The following ZNF561 variants were observed in gnomAD, a reference collection of about 807,000 sequenced individuals.
ZNF561 encodes the protein zinc finger protein 561.
ZNF561 carries 16 observed loss-of-function variants against 16.7 expected under a neutral mutation model. That is an observed-to-expected ratio of 0.96 (90% confidence interval 0.65 to 1.45). The LOEUF (loss-of-function observed/expected upper bound fraction) is 1.45, where lower values mean the gene tolerates loss of function less well. ZNF561 is among the 40% of genes most tolerant of loss of function. ZNF561 has a pLI of 0.00. For synonymous variants in ZNF561, 190 were observed against 192.1 expected, an observed-to-expected ratio of 0.99 and a Z score of 0.09; for missense variants, 580 against 578.0, an observed-to-expected ratio of 1.00 and a Z score of -0.04.
intron 5 of ZNF561, among the ~76,000 whole-genome samples, chr19:9,612,753 T>C (rs1400336835): frequency 6.6e-6 from 1 of 152,234 alleles, no homozygotes; most frequent in African/African-American, 2.4e-5. Flanking sequence ...TCTACGCCAC[T>C]GGCTCTAATT....
rs566745054 is a variant in ZNF561, at chr19:9,614,434, C to T, written c.242-331G>A. Among the ~76,000 whole-genome samples the T allele has an allele frequency of 5.3e-5, 8 of 152,192 alleles. No homozygotes were observed. In the South Asian group the frequency reaches 1.7e-3, roughly 32 times the overall value. ...GACCAGCCTGACCAACATGGAGAAA[C>T]CCCATCTCTACTAAAAATACAAAAT... On this transcript the variant is annotated intron_variant, in intron 4 of 5. Transcript: ENST00000302851.
At position 9,608,247 on chromosome 19, in the gene ZNF561, G is replaced by C. The variant is rs2144856699; in HGVS notation, c.*1953C>G. ...GGGGAGGGAGGGGGAGGGAGGGGAA[G>C]GAGAGAGATGGTGGGGAGAGAGAGA... On this transcript the variant is annotated 3_prime_UTR_variant, in exon 6 of 6. Coordinates refer to ENST00000302851, the MANE Select transcript of ZNF561 (RefSeq NM_152289.3). The C allele has an allele frequency of 6.6e-6, 1 of 151,952 alleles. No individual in the cohort carries two copies. The highest frequency in any genetic ancestry group is 2.4e-5 in the African/African-American group (1 of 41,460). 9.4% of individuals were successfully genotyped at this position (151,952 alleles called of 1,614,324 possible).
chr19:9,612,800 T>G (rs1452939340), intron 5 of ZNF561, among the ~76,000 whole-genome samples: 1 of 152,214 alleles, frequency 6.6e-6, no homozygotes, highest in Non-Finnish European at 1.5e-5. Flanking sequence ...TTTTTATTAT[T>G]ATGCAGGGTG....
At position 9,619,864 on chromosome 19, in the gene ZNF561, T is replaced by C. The variant is rs1218373181; in HGVS notation, c.-126-282A>G. On this transcript the variant is annotated intron_variant, in intron 1 of 5. Transcript: ENST00000302851. ...CTATCTATCTATATCTATCTATATT[T>C]ATCTATCTATATCTATCTATCTATA... 7.5e-5 allele frequency among the ~76,000 whole-genome samples: 7 copies of C among 92,758 alleles called. No homozygotes were observed. The East Asian group carries it at 1.6e-3, about 21-fold the overall frequency. The allele number at this position is 92,758 out of a possible 152,430, so 60.9% of individuals were successfully genotyped here.
In ZNF561 at chr19:9,610,575, C is replaced by G. The variant is rs1256088964; in HGVS notation, c.1086G>C (p.Lys362Asn). Residue 362 changes from lysine to asparagine, a missense_variant, in exon 6 of 6, where the codon AAG becomes AAC. Transcript: ENST00000302851. ...CACATTCCTTACACTGATAGGGTTT[C>G]TTTCCACTGTGACTTCGTATGTGTA... ...LSIHIRSHSG[K>N]KPYQCKECGK... The G allele has an allele frequency of 3.1e-6, 5 of 1,613,244 alleles. No homozygotes were observed. The highest frequency in any genetic ancestry group is 4.2e-6 in the Non-Finnish European group (5 of 1,179,518).
rs1290428181 is a variant in ZNF561 at position 9,608,635 on chromosome 19, G to C, written c.*1565C>G. 6.6e-6 allele frequency: 1 copy of C among 152,194 alleles called. No individual in the cohort carries two copies. The highest frequency in any genetic ancestry group is 1.9e-4 in the East Asian group (1 of 5,196). The allele number at this position is 152,194 out of a possible 1,614,324, so 9.4% of individuals were successfully genotyped here. A position where few individuals can be genotyped will look rare whatever the true frequency, so the allele number is the denominator to read the frequency against. On this transcript the variant is annotated 3_prime_UTR_variant, in exon 6 of 6. Coordinates refer to ENST00000302851, the MANE Select transcript of ZNF561 (RefSeq NM_152289.3). ...CTGGAAAAATTCTGATGTGCAAGCT[G>C]GAAGTAAGGTTGGTAAGGGTGATCC...
chr19:9,618,944 C>T (rs1434628433), intron 2 of ZNF561: 1 of 152,212 alleles, frequency 6.6e-6, no homozygotes, highest in Non-Finnish European at 1.5e-5. Flanking sequence ...TTATGAAACC[C>T]CATCTCTACT....
chr19:9,619,921 C>CTATCTAT (rs1555692401), intron 1 of ZNF561, among the ~76,000 whole-genome samples: 3 of 116,230 alleles, frequency 2.6e-5, no homozygotes, highest in African/African-American at 8.2e-5. Flanking sequence ...CTATATCTAT[C>CTATCTAT]CTATCTATCT....
Position 9,610,290 on chromosome 19 carries a change from T to A in ZNF561, c.1371A>T (p.Ala457=), listed in dbSNP as rs779702736. The stretch of plus-strand genomic sequence containing the variant: ...TACTTAGGCGTGAGGAAACAGCAAA[T>A]GCTTTCCCACATTCTTTACATACGA... ...KPFVCKECGK[A]FAVSSRLSRH... Residue 457 remains alanine (A), a synonymous_variant, in exon 6 of 6, where the codon GCA becomes GCT. Transcript: ENST00000302851. The A allele has an allele frequency of 6.2e-7, 1 of 1,613,978 alleles. No individual in the cohort carries two copies.
At chr19:9,615,217 A>C (rs2074532445) in intron 4 of ZNF561, among the ~76,000 whole-genome samples, 1 of 152,162 alleles carries the variant, frequency 6.6e-6, no homozygotes, top group African/African-American at 2.4e-5. Context: ...TTCTGTGCCC[A>C]AAAAAGATTG....
chr19:9,611,402 ACACAGAAG>A, intron 5 of ZNF561, 66 bp from the exon 6 acceptor site: 1 of 1,450,538 alleles, frequency 6.9e-7, no homozygotes, highest in Non-Finnish European at 9.2e-7. Context: ...ACCCATCTGA[ACACAGAAG>A]CATTTTGATG....
At chr19:9,617,614 C>T (rs1254125577) in intron 3 of ZNF561, 1 of 454,266 alleles carries the variant, frequency 2.2e-6, no homozygotes, top group East Asian at 7.0e-5. Flanking sequence ...TGAAGTGGTC[C>T]TCTCACCTCT....
At chr19:9,615,577 G>A (rs956844465) in intron 4 of ZNF561, among the ~76,000 whole-genome samples, 4 of 151,504 alleles carry the variant, frequency 2.6e-5, no homozygotes, top group Admixed American at 1.3e-4. Context: ...CAGCCTGGGC[G>A]ACAGAGCAAG....
chr19:9,617,826 G>A (rs974319736), intron 3 of ZNF561: 105 of 521,996 alleles, frequency 2.0e-4, no homozygotes, highest in Middle Eastern at 1.4e-3. Flanking sequence ...ATCCGTCACC[G>A]CACCCAGCAA....
At position 9,607,779 on chromosome 19, in the gene ZNF561, G is replaced by A. The variant is rs1040621832; in HGVS notation, c.*2421C>T. 1 of 152,152 alleles carries A rather than the reference G, an allele frequency of 6.6e-6. No homozygotes were observed. The highest frequency in any genetic ancestry group is 2.4e-5 in the African/African-American group (1 of 41,454). The allele number at this position is 152,152 out of a possible 1,614,324, so 9.4% of individuals were successfully genotyped here. A position where few individuals can be genotyped will look rare whatever the true frequency, so the allele number is the denominator to read the frequency against. On this transcript the variant is annotated 3_prime_UTR_variant, in exon 6 of 6. Transcript: ENST00000302851. ...TGATTGTCTATGTGGAAACGGAAAA[G>A]AATCATATTAAGTACTTTGGACTGA...
intron 2 of ZNF561, among the ~76,000 whole-genome samples, chr19:9,618,890 G>A (rs746887491): frequency 2.0e-5 from 3 of 152,164 alleles, no homozygotes; most frequent in Non-Finnish European, 4.4e-5. Context: ...GCCAAGGCGG[G>A]CAAATCACTT....
chr19:9,613,873 T>C (rs904651038), intron 5 of ZNF561, 148 bp downstream of exon 5: 1 of 888,510 alleles, frequency 1.1e-6, no homozygotes, highest in East Asian at 2.6e-5. Flanking sequence ...TCTTGAACTC[T>C]TGGGCTCAAA....
chr19:9,611,300 T>A lies in ZNF561; in HGVS notation c.361A>T (p.Lys121Ter). The A allele has an allele frequency of 6.2e-7, 1 of 1,613,580 alleles. No homozygotes were observed. The highest frequency in any genetic ancestry group is 8.5e-7 in the Non-Finnish European group (1 of 1,179,554). Residue 121 changes from lysine to a stop codon, truncating the protein, a stop_gained, in exon 6 of 6, where the codon AAG becomes TAG. Coordinates refer to ENST00000302851, the MANE Select transcript of ZNF561 (RefSeq NM_152289.3). LOFTEE classifies it low-confidence loss of function (END_TRUNC). Reference sequence around the variant, plus strand: ...TCCCTGAAGACCTCTCCACAATTCTTACAGTCACAGAGTTTCCATCCACTG... The same window carrying A: ...TCCCTGAAGACCTCTCCACAATTCTAACAGTCACAGAGTTTCCATCCACTG... ...GYSGWKLCDCKNCGEVFREQF... is the reference protein window; with the variant it reads ...GYSGWKLCDC
intron 3 of ZNF561, chr19:9,617,678 TG>T (rs1388642604): frequency 2.2e-5 from 10 of 457,180 alleles, no homozygotes; most frequent in African/African-American, 2.0e-4. Flanking sequence ...TGCTTACGCT[TG>T]ATCTCAGCAC....
Sources: allele counts gnomAD v4.1 joint callset (sites outside exome capture counted in the v4.1 genomes callset), GRCh38; gene constraint gnomAD v4.1.1; transcripts MANE v1.5; gene names NCBI Gene and HGNC (gene_info 2026-07-23, HGNC 2026-07-21).